The following CNGB1 variants were observed in gnomAD, a reference collection of about 807,000 sequenced individuals.
CNGB1 encodes cyclic nucleotide gated channel subunit beta 1, also known as cyclic nucleotide-gated channel beta-1.
Under a neutral mutation model 151.7 loss-of-function variants are expected in CNGB1, and 126 were observed. The observed-to-expected ratio is 0.83, with a 90% CI of 0.72 to 0.96. The LOEUF (loss-of-function observed/expected upper bound fraction) is 0.96, where lower values mean the gene tolerates loss of function less well. Ranked by LOEUF, CNGB1 falls within the 40% of genes least tolerant of loss-of-function variation. The probability of loss-of-function intolerance (pLI) is 0.00; values close to 1 mark genes in which losing one functional copy is unlikely to be tolerated. For synonymous variants in CNGB1, 623 were observed against 635.1 expected (o/e 0.98, Z 0.29); for missense variants, 1,698 against 1,627.0 (o/e 1.04, Z -0.75).
chr16:57,965,800 T>C (rs1315318770), intron 2 of CNGB1, among the ~76,000 whole-genome samples: 1 of 152,214 alleles, frequency 6.6e-6, no homozygotes, highest in African/African-American at 2.4e-5. Context: ...CTAATACATG[T>C]GCACATAAAC....
chr16:57,960,590 C>T, intron 8 of CNGB1, 60 bp from the exon 9 acceptor site: 1 of 1,591,486 alleles, frequency 6.3e-7, no homozygotes, highest in Admixed American at 1.7e-5. Flanking sequence ...GCTTCCCCAA[C>T]CGCCACTACC....
At chr16:57,942,000 C>T (rs1186660079) in intron 14 of CNGB1, among the ~76,000 whole-genome samples, 1 of 152,090 alleles carries the variant, frequency 6.6e-6, no homozygotes, top group East Asian at 1.9e-4. Flanking sequence ...TACAGGCATG[C>T]TCCACCACTC....
intron 20 of CNGB1, among the ~76,000 whole-genome samples, chr16:57,918,120 T>G (rs1960929230): frequency 6.7e-6 from 1 of 149,932 alleles, no homozygotes; most frequent in African/African-American, 2.5e-5. Flanking sequence ...TATTTATTTA[T>G]TTATTTATTT....
chr16:57,904,930 C>T (rs1960504868), intron 25 of CNGB1, 55 bp from the exon 26 acceptor site: 9 of 1,611,438 alleles, frequency 5.6e-6, no homozygotes, highest in South Asian at 1.1e-5. Flanking sequence ...CTCTGCCGCC[C>T]CGAGCAGTCT....
At chr16:57,909,159 T>A (rs1960638267) in intron 25 of CNGB1, among the ~76,000 whole-genome samples, 1 of 152,072 alleles carries the variant, frequency 6.6e-6, no homozygotes, top group Non-Finnish European at 1.5e-5. Context: ...TCCCAGCTAC[T>A]CGGGAGACTG....
chr16:57,960,999 C>G (rs1325782488), intron 7 of CNGB1, 84 bp from the exon 8 acceptor site: 7 of 1,285,154 alleles, frequency 5.4e-6, no homozygotes, highest in Non-Finnish European at 7.8e-6. Flanking sequence ...AGGCCTCAAC[C>G]AGCCATTCCG....
At position 57,950,475 on chromosome 16, in the gene CNGB1, C is replaced by T. The variant is rs1200801755; in HGVS notation, c.940G>A (p.Glu314Lys). 1 of 1,614,220 alleles carries T rather than the reference C, an allele frequency of 6.2e-7. No homozygotes were observed. The highest frequency in any genetic ancestry group is 1.7e-5 in the Admixed American group (1 of 60,036). Reference protein sequence around the residue: ...LVLEEVEPPWEDAHQDVSTSP... With the variant: ...LVLEEVEPPWKDAHQDVSTSP... ...GTACTGACATCCTGGTGGGCATCCT[C>T]CCAGGGCGGTTCAACCTCCTCTAGG... is the stretch of plus-strand genomic sequence containing the variant. Residue 314 changes from glutamate to lysine, a missense_variant, in exon 13 of 33, where the codon GAG becomes AAG. By Grantham distance (56) the Glu-to-Lys change is moderately conservative. Coordinates refer to ENST00000251102, the MANE Select transcript of CNGB1 (RefSeq NM_001297.5).
At chr16:57,962,492 C>A in intron 7 of CNGB1, 73 bp downstream of exon 7, 1 of 1,372,650 alleles carries the variant, frequency 7.3e-7, no homozygotes, top group East Asian at 2.3e-5. Flanking sequence ...ACAGACCCTG[C>A]TCCTGAAACC....
chr16:57,965,122 AT>A (rs1962358288), intron 2 of CNGB1, among the ~76,000 whole-genome samples: 1 of 62,736 alleles, frequency 1.6e-5, no homozygotes, highest in Admixed American at 2.2e-4. Flanking sequence ...AAATGTGTGC[AT>A]ACTCACTCTC....
At chr16:57,931,593 T>C in intron 17 of CNGB1, 123 bp downstream of exon 17, 2 of 1,153,424 alleles carry the variant, frequency 1.7e-6, no homozygotes, top group Non-Finnish European at 2.6e-6. Context: ...GTCCCACTTC[T>C]GACACCAACT....
In CNGB1 at chr16:57,882,799, C is replaced by CTTTTTTTTTTTTTTTTTTT. The variant is rs71155213; in HGVS notation, c.*1364_*1365insAAAAAAAAAAAAAAAAAAA. On this transcript the variant is annotated 3_prime_UTR_variant, in exon 33 of 33. Coordinates refer to ENST00000251102, the MANE Select transcript of CNGB1 (RefSeq NM_001297.5). ...CCTTTTTTCTTTTTTTTTCTTTTTT[C>CTTTTTTTTTTTTTTTTTTT]TTTTTTTTTTTTTGTCTGAATCATA... 7.3e-6 allele frequency: 1 copy of CTTTTTTTTTTTTTTTTTTT among 136,068 alleles called. No homozygotes were observed. Among genetic ancestry groups the CTTTTTTTTTTTTTTTTTTT allele is most frequent in the African/African-American group, 2.7e-5 (1 of 36,726 alleles). 8.4% of individuals were successfully genotyped at this position (136,068 alleles called of 1,614,324 possible).
At chr16:57,888,689 C>A (rs907920607) in intron 31 of CNGB1, among the ~76,000 whole-genome samples, 1 of 151,958 alleles carries the variant, frequency 6.6e-6, no homozygotes, top group African/African-American at 2.4e-5. Context: ...TGGGCTCAAG[C>A]GATCTACCCG....
intron 25 of CNGB1, among the ~76,000 whole-genome samples, chr16:57,905,164 G>A (rs1044364292): frequency 2.0e-5 from 3 of 152,230 alleles, no homozygotes; most frequent in African/African-American, 7.2e-5. Context: ...AGAGTTGGCA[G>A]GAGGCCAGAC....
At chr16:57,937,886 G>T (rs1473110510) in intron 16 of CNGB1, among the ~76,000 whole-genome samples, 1 of 152,198 alleles carries the variant, frequency 6.6e-6, no homozygotes, top group African/African-American at 2.4e-5. Context: ...GCTGGGATGA[G>T]GCCTGGCAGC....
intron 12 of CNGB1, among the ~76,000 whole-genome samples, chr16:57,953,215 G>A (rs1686552393): frequency 6.6e-6 from 1 of 152,138 alleles, no homozygotes; most frequent in South Asian, 2.1e-4. Flanking sequence ...CAACAGCCTC[G>A]GTCGGACACA....
chr16:57,884,249 C>A lies in CNGB1; in HGVS notation c.3671G>T (p.Arg1224Met), dbSNP rs1241254911. The stretch of plus-strand genomic sequence containing the variant: ...CTCCGGGCCCGGGCTCATGCAGATC[C>A]TCACCGAGTGCTCTTCGGGCTCGGC... ...GPAEPEEHSV[R>M]ICMSPGPEPG... is the part of the protein sequence containing the mutation. Residue 1224 changes from arginine (R) to methionine (M), a missense_variant, in exon 33 of 33, where the codon AGG (arginine) becomes ATG (methionine). Arg to Met is a moderately conservative substitution (Grantham distance 91). Transcript: ENST00000251102. 7 of 1,613,802 alleles carry A rather than the reference C, an allele frequency of 4.3e-6. No homozygotes were observed. In the African/African-American group the frequency reaches 8.0e-5, roughly 18 times the overall value.
chr16:57,939,358 C>G (rs1295955834), intron 16 of CNGB1, 72 bp downstream of exon 16: 1 of 1,602,244 alleles, frequency 6.2e-7, no homozygotes, highest in East Asian at 2.2e-5. Flanking sequence ...TGCCCCTGCA[C>G]GAAGGCTGCC....
chr16:57,932,950 T>A (rs1961399207), intron 16 of CNGB1, among the ~76,000 whole-genome samples: 1 of 152,136 alleles, frequency 6.6e-6, no homozygotes, highest in Non-Finnish European at 1.5e-5. Context: ...GGTCTCACTC[T>A]GTCACCCAGG....
At chr16:57,911,219 G>A (rs769683749) in intron 25 of CNGB1, among the ~76,000 whole-genome samples, 1 of 152,214 alleles carries the variant, frequency 6.6e-6, no homozygotes, top group South Asian at 2.1e-4. Flanking sequence ...GTTCACACCA[G>A]TACCTCCGGC....
Sources: allele counts gnomAD v4.1 joint callset (sites outside exome capture counted in the v4.1 genomes callset), GRCh38; gene constraint gnomAD v4.1.1; transcripts MANE v1.5; gene names NCBI Gene and HGNC (gene_info 2026-07-23, HGNC 2026-07-21).